IFT88: variants seen among roughly 807,000 people sequenced by gnomAD.
The protein encoded by IFT88 is intraflagellar transport 88.
IFT88 carries 74 observed loss-of-function variants against 119.5 expected under a neutral mutation model. The ratio of observed to expected loss-of-function variants is 0.62; its 90% confidence interval spans 0.51 to 0.75. The LOEUF (loss-of-function observed/expected upper bound fraction) is 0.75, where lower values mean the gene tolerates loss of function less well. IFT88 is among the 30% of genes least tolerant of loss of function. The pLI is 0.00. For missense variants in IFT88, 961 were observed against 977.7 expected (o/e 0.98, Z 0.23); for synonymous variants, 279 against 316.7 (o/e 0.88, Z 1.26).
intron 23 of IFT88, among the ~76,000 whole-genome samples, chr13:20,667,840 CT>C (rs896804457): frequency 6.6e-6 from 1 of 152,134 alleles, no homozygotes; most frequent in Non-Finnish European, 1.5e-5. Flanking sequence ...TGTCACCATT[CT>C]TTATCCTTCC....
intron 2 of IFT88, among the ~76,000 whole-genome samples, chr13:20,575,108 G>C (rs2037135622): frequency 6.9e-6 from 1 of 145,574 alleles, no homozygotes; most frequent in Non-Finnish European, 1.5e-5. Flanking sequence ...CCCCTCCCCT[G>C]CCACTACCCT....
chr13:20,617,031 C>T (rs1461340875), intron 14 of IFT88, among the ~76,000 whole-genome samples: 2 of 152,064 alleles, frequency 1.3e-5, no homozygotes, highest in Non-Finnish European at 2.9e-5. Flanking sequence ...GCAAGCTCCA[C>T]CTCCTGGGTT....
chr13:20,584,913 C>T (rs141479589), intron 3 of IFT88, among the ~76,000 whole-genome samples: 78 of 152,258 alleles, frequency 5.1e-4, no homozygotes, highest in African/African-American at 1.8e-3. Flanking sequence ...GCTACTGGCA[C>T]CTAGTGGGTA....
chr13:20,633,691 G>A (rs1304029777), intron 16 of IFT88, among the ~76,000 whole-genome samples: 1 of 152,172 alleles, frequency 6.6e-6, no homozygotes, highest in Non-Finnish European at 1.5e-5. Flanking sequence ...ACCAAGCAGA[G>A]CTATTAGAGC....
chr13:20,657,050 G>A (rs1277284761), intron 22 of IFT88, among the ~76,000 whole-genome samples: 1 of 152,132 alleles, frequency 6.6e-6, no homozygotes, highest in Admixed American at 6.5e-5. Flanking sequence ...GTAGAGACGG[G>A]TTTTACTATG....
At chr13:20,656,573 A>G in intron 22 of IFT88, 143 bp downstream of exon 22, 1 of 385,918 alleles carries the variant, frequency 2.6e-6, no homozygotes, top group Non-Finnish European at 4.7e-6. Flanking sequence ...TTTTTATAGC[A>G]TCAGAAAATT....
intron 19 of IFT88, 27 bp from the exon 20 acceptor site, chr13:20,644,816 T>TGAAATATGGAATA (rs777858262): frequency 1.0e-6 from 1 of 962,260 alleles, no homozygotes; most frequent in South Asian, 1.5e-5. Flanking sequence ...TGAAGTTGTA[T>TGAAATATGGAATA]TGTTACATTC....
At chr13:20,651,890 A>T (rs547068889) in intron 20 of IFT88, among the ~76,000 whole-genome samples, 10 of 152,340 alleles carry the variant, frequency 6.6e-5, no homozygotes, top group African/African-American at 2.4e-4. Context: ...ATGGAATATT[A>T]TTCCACTATA....
chr13:20,691,268 T>C lies in IFT88; in HGVS notation c.*93T>C. On this transcript the variant is annotated 3_prime_UTR_variant, in exon 26 of 26. Transcript: ENST00000351808. ...ATTAAATATCTAACCTGTAATTATT[T>C]TTTTTCACTGTCAAAACTTAAGTAA... is the stretch of plus-strand genomic sequence containing the variant. 8.3e-7 allele frequency: 1 copy of C among 1,210,238 alleles called. No individual in the cohort carries two copies. Among genetic ancestry groups the C allele is most frequent in the Non-Finnish European group, 1.1e-6 (1 of 880,880 alleles). 75.0% of individuals were successfully genotyped at this position (1,210,238 alleles called of 1,614,324 possible).
At position 20,591,093 on chromosome 13, in the gene IFT88, T is replaced by G. The variant is rs1446176827; in HGVS notation, c.264+73T>G. ...GAATTTACTACCAAAGTTTTTTTAC[T>G]TTATTATATTATTTTAAAATGTTAA... is the stretch of plus-strand genomic sequence containing the variant. On this transcript the variant is annotated intron_variant, in intron 5 of 25. Coordinates refer to ENST00000351808, the MANE Select transcript of IFT88 (RefSeq NM_006531.5). 5.2e-6 allele frequency: 5 copies of G among 963,732 alleles called. No homozygotes were observed. In the African/African-American group the frequency reaches 6.7e-5, roughly 13 times the overall value. 59.7% of individuals were successfully genotyped at this position (963,732 alleles called of 1,614,324 possible). A position where few individuals can be genotyped will look rare whatever the true frequency, so the allele number is the denominator to read the frequency against.
chr13:20,633,959 G>A (rs1020635080), intron 16 of IFT88, among the ~76,000 whole-genome samples: 1 of 152,072 alleles, frequency 6.6e-6, no homozygotes, highest in African/African-American at 2.4e-5. Flanking sequence ...TTCTTTTACT[G>A]GGCTTGCCTG....
intron 14 of IFT88, among the ~76,000 whole-genome samples, chr13:20,618,897 C>T (rs1481305200): frequency 1.3e-5 from 2 of 150,924 alleles, no homozygotes; most frequent in African/African-American, 4.9e-5. Context: ...ACTCTTGTCA[C>T]CCAGGCTGGA....
Position 20,626,043 on chromosome 13 carries a change from C to CTTTCTTTTTTTT in IFT88, c.1299+197_1299+198insCTTTTTTTTTTT, listed in dbSNP as rs2047249498. On this transcript the variant is annotated intron_variant, in intron 15 of 25. Transcript: ENST00000351808. ...ATTAATTTTTGCCTGTTTGTCGTTT[C>CTTTCTTTTTTTT]TTTTTTTTTTTTTTTTTTTTTTTTT... is the stretch of plus-strand genomic sequence containing the variant. Among the ~76,000 whole-genome samples, 7 of 39,576 alleles carry CTTTCTTTTTTTT rather than the reference C, an allele frequency of 1.8e-4. 1 individual carries two copies. The highest frequency in any genetic ancestry group is 1.4e-3 in the Admixed American group (3 of 2,098). 26.0% of individuals were successfully genotyped at this position (39,576 alleles called of 152,430 possible).
chr13:20,615,920 T>C lies in IFT88; in HGVS notation c.1199+41T>C, dbSNP rs756212472. Reference sequence around the variant, plus strand: ...TATAATACTGCATAGATGTGGTTTTTTTCATAATTTATACTTTTAAATTTA... The same window carrying C: ...TATAATACTGCATAGATGTGGTTTTCTTCATAATTTATACTTTTAAATTTA... On this transcript the variant is annotated intron_variant, in intron 14 of 25. Transcript: ENST00000351808. The C allele has an allele frequency of 2.5e-5, 28 of 1,134,248 alleles. No individual in the cohort carries two copies. In the Middle Eastern group the frequency reaches 1.7e-3, roughly 69 times the overall value. The allele number at this position is 1,134,248 out of a possible 1,614,324, so 70.3% of individuals were successfully genotyped here.
intron 12 of IFT88, among the ~76,000 whole-genome samples, chr13:20,603,257 G>A (rs1005294230): frequency 3.3e-5 from 5 of 151,534 alleles, no homozygotes; most frequent in African/African-American, 9.7e-5. Flanking sequence ...GCATGGTGGC[G>A]GGTGCCTGTA....
At chr13:20,688,938 A>AT (rs1461395538) in intron 24 of IFT88, among the ~76,000 whole-genome samples, 2 of 151,772 alleles carry the variant, frequency 1.3e-5, no homozygotes. Context: ...TAATTAATTA[A>AT]TTTATTTATT....
intron 13 of IFT88, among the ~76,000 whole-genome samples, chr13:20,611,121 A>G (rs1455695923): frequency 1.3e-5 from 2 of 151,422 alleles, no homozygotes; most frequent in South Asian, 2.1e-4. Flanking sequence ...TAATAATAAT[A>G]TATAGGATAT....
At chr13:20,640,613 C>A (rs1594530741) in intron 17 of IFT88, among the ~76,000 whole-genome samples, 1 of 114,356 alleles carries the variant, frequency 8.7e-6, no homozygotes, top group Middle Eastern at 4.9e-3. Context: ...TAAATAAATA[C>A]AAATTAATGT....
At position 20,640,524 on chromosome 13, in the gene IFT88, G is replaced by T. The variant is rs190725176; in HGVS notation, c.1574-766G>T. 1.8e-3 allele frequency among the ~76,000 whole-genome samples: 272 copies of T among 152,096 alleles called. 1 individual carries two copies. The highest frequency in any genetic ancestry group is 2.9e-3 in the Non-Finnish European group (200 of 67,978). On this transcript the variant is annotated intron_variant, in intron 17 of 25. Transcript: ENST00000351808. Reference sequence around the variant, plus strand: ...GGAGGCGGAGCTTGCAGTGAGCCGAGATTGTGCCACTGCACTCCAGCCTGG... The same window carrying T: ...GGAGGCGGAGCTTGCAGTGAGCCGATATTGTGCCACTGCACTCCAGCCTGG...
Sources: gnomAD v4.1 joint callset for allele counts (sites outside exome capture counted in the v4.1 genomes callset) on GRCh38, gnomAD v4.1.1 for gene constraint, MANE v1.5 for transcripts, NCBI Gene and HGNC (gene_info 2026-07-23, HGNC 2026-07-21) for gene names.